Variants in AK5 observed in about 807,000 individuals in gnomAD.
AK5 encodes adenylate kinase 5.
AK5 carries 27 observed loss-of-function variants against 69.5 expected under a neutral mutation model. That is an observed-to-expected ratio of 0.39 (90% CI 0.29 to 0.54). AK5 has a LOEUF of 0.54. Ranked by LOEUF, AK5 falls within the 20% of genes least tolerant of loss-of-function variation. AK5 has a pLI of 0.71. For missense variants in AK5, 531 were observed against 700.4 expected (o/e 0.76, Z 2.73); for synonymous variants, 260 against 244.4 (o/e 1.06, Z -0.60).
intron 2 of AK5, among the ~76,000 whole-genome samples, chr1:77,291,889 A>C (rs771825280): frequency 3.3e-5 from 5 of 152,236 alleles, no homozygotes; most frequent in Non-Finnish European, 4.4e-5. Flanking sequence ...AGGAGGCTGC[A>C]CTGGATTAGG....
intron 10 of AK5, among the ~76,000 whole-genome samples, chr1:77,505,006 G>T: frequency 6.6e-6 from 1 of 151,552 alleles, no homozygotes; most frequent in African/African-American, 2.4e-5. Context: ...TTTCTCTTAC[G>T]GTAAAATTCA....
At chr1:77,476,696 A>C (rs1654956187) in intron 8 of AK5, among the ~76,000 whole-genome samples, 1 of 152,140 alleles carries the variant, frequency 6.6e-6, no homozygotes, top group Non-Finnish European at 1.5e-5. Context: ...AGCCCGACCC[A>C]CCAGGGCATC....
chr1:77,424,214 C>T (rs1329582883), intron 8 of AK5, among the ~76,000 whole-genome samples: 1 of 152,184 alleles, frequency 6.6e-6, no homozygotes, highest in Non-Finnish European at 1.5e-5. Context: ...GACTAAGCAT[C>T]AGAACCAGTC....
intron 6 of AK5, among the ~76,000 whole-genome samples, chr1:77,365,479 C>G (rs1313313929): frequency 6.6e-6 from 1 of 152,178 alleles, no homozygotes; most frequent in Non-Finnish European, 1.5e-5. Flanking sequence ...TTCTGTAGGT[C>G]AGCAGTCCCC....
chr1:77,509,931 T>C (rs1657245933), intron 10 of AK5, among the ~76,000 whole-genome samples: 1 of 152,224 alleles, frequency 6.6e-6, no homozygotes, highest in South Asian at 2.1e-4. Flanking sequence ...ATCCAAGAGA[T>C]TCACATGCAT....
At chr1:77,441,457 A>G (rs998622328) in intron 8 of AK5, among the ~76,000 whole-genome samples, 5 of 152,090 alleles carry the variant, frequency 3.3e-5, no homozygotes, top group Non-Finnish European at 7.4e-5. Context: ...ATAGAAAAAG[A>G]CTCATCTACA....
At chr1:77,368,249 ATATAATATATATGTT>A (rs1570453944) in intron 6 of AK5, among the ~76,000 whole-genome samples, 1 of 88,036 alleles carries the variant, frequency 1.1e-5, no homozygotes, top group East Asian at 4.2e-4. Flanking sequence ...ATATATATAT[ATATAATATATATGTT>A]ATATATATGT....
chr1:77,324,337 G>GTA (rs1319431115), intron 5 of AK5, among the ~76,000 whole-genome samples: 50 of 151,916 alleles, frequency 3.3e-4, no homozygotes, highest in Non-Finnish European at 5.9e-4. Context: ...GTGTGTGTGT[G>GTA]TGTGTGTGTG....
At chr1:77,290,093 CCA>C (rs886626236) in intron 2 of AK5, among the ~76,000 whole-genome samples, 4 of 152,016 alleles carry the variant, frequency 2.6e-5, no homozygotes, top group Non-Finnish European at 4.4e-5. Context: ...ACCAAAATTC[CCA>C]CACAGGGATC....
At position 77,414,313 on chromosome 1, in the gene AK5, A is replaced by G. The variant is rs542929230; in HGVS notation, c.982+3242A>G. Among the ~76,000 whole-genome samples, 4 of 152,324 alleles carry G rather than the reference A, an allele frequency of 2.6e-5. No individual in the cohort carries two copies. In the South Asian group the frequency reaches 8.3e-4, roughly 32 times the overall value. ...GGACAAGGGAGAAACTGCTTTCCTC[A>G]GAGGGTGCAGTTTAAGGGTTGGAGG... On this transcript the variant is annotated intron_variant, in intron 7 of 13. Transcript: ENST00000354567.
At chr1:77,383,389 C>T (rs1453615533) in intron 6 of AK5, among the ~76,000 whole-genome samples, 1 of 152,028 alleles carries the variant, frequency 6.6e-6, no homozygotes, top group Non-Finnish European at 1.5e-5. Flanking sequence ...ACAAAGATTA[C>T]CATTTGCAAA....
At chr1:77,371,343 G>T (rs918325315) in intron 6 of AK5, 2 of 152,214 alleles carry the variant, frequency 1.3e-5, no homozygotes, top group Non-Finnish European at 2.9e-5. Context: ...GCAAGAGGAC[G>T]AAGGGGCTCA....
At chr1:77,451,071 G>A (rs1467514468) in intron 8 of AK5, among the ~76,000 whole-genome samples, 9 of 151,918 alleles carry the variant, frequency 5.9e-5, no homozygotes, top group Admixed American at 5.9e-4. Context: ...AGCTATTCAG[G>A]AAGCTGAGCT....
intron 8 of AK5, among the ~76,000 whole-genome samples, chr1:77,457,039 G>T (rs771085516): frequency 1.3e-5 from 2 of 151,680 alleles, no homozygotes; most frequent in African/African-American, 4.9e-5. Context: ...CCTTGTGTTC[G>T]CAAATCAGTT....
chr1:77,402,655 A>G (rs1229753608), intron 6 of AK5, among the ~76,000 whole-genome samples: 1 of 151,890 alleles, frequency 6.6e-6, no homozygotes, highest in East Asian at 1.9e-4. Context: ...ATAGTATTCC[A>G]TGGTGTATAT....
In AK5 at chr1:77,368,415, A is replaced by G. The variant is rs371672860; in HGVS notation, c.891+27847A>G. Among the ~76,000 whole-genome samples, 13 of 144,728 alleles carry G rather than the reference A, an allele frequency of 9.0e-5. No homozygotes were observed. The South Asian group carries it at 2.2e-3, about 25-fold the overall frequency. The allele number at this position is 144,728 out of a possible 152,430, so 94.9% of individuals were successfully genotyped here. A position where few individuals can be genotyped will look rare whatever the true frequency, so the allele number is the denominator to read the frequency against. On this transcript the variant is annotated intron_variant, in intron 6 of 13. Transcript: ENST00000354567. ...TAGCCTGAAGGTAATTTTATGCAAT[A>G]TTTTAAATAATGTTGTACATGAAAC...
At chr1:77,499,264 C>T (rs1325575234) in intron 10 of AK5, among the ~76,000 whole-genome samples, 2 of 152,178 alleles carry the variant, frequency 1.3e-5, no homozygotes, top group African/African-American at 2.4e-5. Flanking sequence ...AACCAACCTT[C>T]AGGTGGTTAA....
At chr1:77,381,502 C>A (rs536326283) in intron 6 of AK5, among the ~76,000 whole-genome samples, 39 of 152,114 alleles carry the variant, frequency 2.6e-4, no homozygotes, top group Non-Finnish European at 5.3e-4. Context: ...CCATGCTTGG[C>A]ACCAAAAGAA....
chr1:77,528,716 T>A (rs1197925124), intron 12 of AK5, among the ~76,000 whole-genome samples: 1 of 152,230 alleles, frequency 6.6e-6, no homozygotes, highest in African/African-American at 2.4e-5. Context: ...TGCATGTAGA[T>A]GTGTGTAATG....
Sources: allele counts gnomAD v4.1 joint callset (sites outside exome capture counted in the v4.1 genomes callset), GRCh38; gene constraint gnomAD v4.1.1; transcripts MANE v1.5; gene names NCBI Gene and HGNC (gene_info 2026-07-23, HGNC 2026-07-21).